Variants in C17orf113 observed in about 807,000 individuals in gnomAD.
The protein encoded by C17orf113 is chromosome 17 open reading frame 113, also known as uncharacterized protein C17orf113.
In C17orf113, 5 loss-of-function variants were observed where a neutral mutation model predicts 11.6. The ratio of observed to expected loss-of-function variants is 0.43; its 90% CI spans 0.23 to 0.91. C17orf113 has a LOEUF of 0.91. Ranked by LOEUF, C17orf113 falls within the 40% of genes least tolerant of loss-of-function variation. C17orf113 has a pLI of 0.26. For synonymous variants in C17orf113, 327 were observed against 390.6 expected (o/e 0.84, Z 1.92); for missense variants, 714 against 841.3 (o/e 0.85, Z 1.87).
chr17:42,047,593 C>T (rs543654790), intron 1 of C17orf113, among the ~76,000 whole-genome samples: 2 of 151,864 alleles, frequency 1.3e-5, no homozygotes, highest in East Asian at 1.9e-4. Flanking sequence ...GTTCCAGGGC[C>T]GGCTGGTTTG....
chr17:42,040,537 G>T lies in C17orf113; in HGVS notation c.1196C>A (p.Ala399Asp). The T allele has an allele frequency of 8.1e-7, 1 of 1,232,990 alleles. No individual in the cohort carries two copies. The highest frequency in any genetic ancestry group is 1.0e-6 in the Non-Finnish European group (1 of 988,646). 76.4% of individuals were successfully genotyped at this position (1,232,990 alleles called of 1,614,324 possible). ...ALALRQFTFVAFTHLLLDALP... is the reference protein window; with the variant it reads ...ALALRQFTFVDFTHLLLDALP... ...GGCATCCAGCAGCAGGTGGGTGAAG[G>T]CCACGAAGGTGAACTGGCGCAGGGC... Residue 399 changes from alanine (A) to aspartate (D), a missense_variant, in exon 3 of 3, where the codon GCC (alanine) becomes GAC (aspartate). Physicochemically the swap from Ala to Asp is moderately radical, Grantham distance 126. Around this residue, in one of 3 missense-constraint regions of C17orf113, gnomAD observed 516 missense variants for 626.6 expected, o/e 0.82. Transcript: ENST00000587304.
intron 1 of C17orf113, among the ~76,000 whole-genome samples, chr17:42,046,863 CTT>C (rs782334593): frequency 2.6e-4 from 37 of 140,526 alleles, no homozygotes; most frequent in Admixed American, 2.9e-4. Flanking sequence ...ATTTTTTTTC[CTT>C]TTTTTTTTTT....
chr17:42,048,488 A>G (rs2143734705), intron 1 of C17orf113, among the ~76,000 whole-genome samples: 1 of 152,220 alleles, frequency 6.6e-6, no homozygotes, highest in South Asian at 2.1e-4. Flanking sequence ...GACTGCAGTG[A>G]ACTGTGATCA....
rs539997288 is a variant in C17orf113, at chr17:42,042,677, C to T, written c.543+157G>A. On this transcript the variant is annotated intron_variant, in intron 2 of 2. Transcript: ENST00000587304. ...TTGTATCCCTGCAGCTGGCCCAGGA[C>T]CAGGGACATAGGCTCTCAGGGAAGG... Among the ~76,000 whole-genome samples the T allele has an allele frequency of 7.2e-5, 11 of 152,276 alleles. No homozygotes were observed. In the East Asian group the frequency reaches 2.1e-3, roughly 29 times the overall value.
In C17orf113 at chr17:42,043,149, C is replaced by T. The variant is rs1276396305; in HGVS notation, c.228G>A (p.Leu76=). The part of the protein sequence containing the change: ...VGTDNFQRHA[L]LRHVTSGAHR... ...GGGCTCCTGAGGTCACGTGGCGCAG[C>T]AGGGCGTGGCGCTGGAAGTTGTCTG... The change falls in exon 2 of 3, where the codon CTG becomes CTA. Residue 76 remains leucine (L), a synonymous_variant. Coordinates refer to ENST00000587304, the MANE Select transcript of C17orf113 (RefSeq NM_001358661.2). 9 of 1,232,180 alleles carry T rather than the reference C, an allele frequency of 7.3e-6. No homozygotes were observed. The highest frequency in any genetic ancestry group is 9.1e-6 in the Non-Finnish European group (9 of 987,996). 76.3% of individuals were successfully genotyped at this position (1,232,180 alleles called of 1,614,324 possible).
In C17orf113 at chr17:42,040,129, G is replaced by A. The variant is rs2052978233; in HGVS notation, c.1604C>T (p.Thr535Met). Residue 535 changes from threonine to methionine, a missense_variant, in exon 3 of 3, where the codon ACG (threonine) becomes ATG (methionine). Thr to Met is a moderately conservative substitution (Grantham distance 81). Transcript: ENST00000587304. ...CACCCGCAGCGCCCCCTCGCCATGC[G>A]TGCCCAGCTCCTCCGGCGCCTGCGG... ...RYPQAPEELG[T>M]HGEGALRVLL... The A allele has an allele frequency of 1.9e-5, 24 of 1,231,426 alleles. No homozygotes were observed. The highest frequency in any genetic ancestry group is 2.3e-5 in the Non-Finnish European group (23 of 987,722). The allele number at this position is 1,231,426 out of a possible 1,614,324, so 76.3% of individuals were successfully genotyped here.
rs1555656021 is a variant in C17orf113 at position 42,040,548 on chromosome 17, G to C, written c.1185C>G (p.Phe395Leu). ...GCAGGTGGGTGAAGGCCACGAAGGT[G>C]AACTGGCGCAGGGCCAGGGCCAGTG... Reference protein sequence around the residue: ...AGSLALALRQFTFVAFTHLLL... With the variant: ...AGSLALALRQLTFVAFTHLLL... Residue 395 changes from phenylalanine (F) to leucine (L), a missense_variant, in exon 3 of 3, where the codon TTC (phenylalanine) becomes TTG (leucine). Coordinates refer to ENST00000587304, the MANE Select transcript of C17orf113 (RefSeq NM_001358661.2). 1 of 1,232,984 alleles carries C rather than the reference G, an allele frequency of 8.1e-7. No homozygotes were observed. The highest frequency in any genetic ancestry group is 4.2e-5 in the Admixed American group (1 of 23,724). 76.4% of individuals were successfully genotyped at this position (1,232,984 alleles called of 1,614,324 possible).
chr17:42,039,924 CAAGGCGGCTAGGGCGGCG>C lies in C17orf113; in HGVS notation c.1791_1808del (p.Phe597_Ala602del). ...CAGCGCCCGCGGGCAGCGCCAAAGCCAAGGCGGCTAGGGCGGCGAAGTCGGGGAAGAGCTCGTGCAGCT... is the reference window on the plus strand; with the variant it reads ...CAGCGCCCGCGGGCAGCGCCAAAGCCAAGTCGGGGAAGAGCTCGTGCAGCT... On this transcript the variant is annotated inframe_deletion, in exon 3 of 3. Transcript: ENST00000587304. 2 of 1,231,286 alleles carry C rather than the reference CAAGGCGGCTAGGGCGGCG, an allele frequency of 1.6e-6. No homozygotes were observed. The highest frequency in any genetic ancestry group is 8.2e-5 in the South Asian group (2 of 24,318). 76.3% of individuals were successfully genotyped at this position (1,231,286 alleles called of 1,614,324 possible).
intron 2 of C17orf113, among the ~76,000 whole-genome samples, chr17:42,042,450 A>G (rs1555656222): frequency 6.6e-6 from 1 of 152,100 alleles, no homozygotes; most frequent in Non-Finnish European, 1.5e-5. Flanking sequence ...TGAGCCAGGA[A>G]GGCAGAGGTT....
Position 42,039,457 on chromosome 17 carries a change from G to A in C17orf113, c.*248C>T, listed in dbSNP as rs897298032. 2.6e-5 allele frequency: 10 copies of A among 378,838 alleles called. No individual in the cohort carries two copies. The highest frequency in any genetic ancestry group is 4.2e-5 in the Non-Finnish European group (9 of 214,346). 23.5% of individuals were successfully genotyped at this position (378,838 alleles called of 1,614,324 possible). ...ATCTAACTGTGTAAAGGCCAGGAAT[G>A]ATTTAGGGTACCCCAGATCCTAGCA... On this transcript the variant is annotated 3_prime_UTR_variant, in exon 3 of 3. Transcript: ENST00000587304.
chr17:42,049,110 G>A (rs1455680026), intron 1 of C17orf113, among the ~76,000 whole-genome samples: 1 of 152,022 alleles, frequency 6.6e-6, no homozygotes, highest in African/African-American at 2.4e-5. Flanking sequence ...TTCTCTCTGG[G>A]TTCCTCCAGA....
rs2052985650 is a variant in C17orf113 at position 42,040,313 on chromosome 17, C to T, written c.1420G>A (p.Val474Met). 3 of 1,231,658 alleles carry T rather than the reference C, an allele frequency of 2.4e-6. No homozygotes were observed. The highest frequency in any genetic ancestry group is 8.2e-5 in the South Asian group (2 of 24,324). 76.3% of individuals were successfully genotyped at this position (1,231,658 alleles called of 1,614,324 possible). A position where few individuals can be genotyped will look rare whatever the true frequency, so the allele number is the denominator to read the frequency against. ...ASSGRCTYRG[V>M]ELLGYSEAAV... ...GCCTCGGAGTAACCGAGCAGCTCCA[C>T]GCCGCGGTAGGTGCAGCGTCCGCTG... is the stretch of plus-strand genomic sequence containing the variant. The change falls in exon 3 of 3, where the codon GTG becomes ATG. Residue 474 changes from valine to methionine, a missense_variant. Transcript: ENST00000587304.
At position 42,043,196 on chromosome 17, in the gene C17orf113, C is replaced by T. The variant is rs2053067963; in HGVS notation, c.181G>A (p.Glu61Lys). ...ALVRNKHGKA[E>K]NAFTVGTDNF... Reference sequence around the variant, plus strand: ...TCTGTGCCCACAGTGAAGGCGTTTTCGGCTTTGCCATGCTTGTTCCGTACC... The same window carrying T: ...TCTGTGCCCACAGTGAAGGCGTTTTTGGCTTTGCCATGCTTGTTCCGTACC... Residue 61 changes from glutamate (E) to lysine (K), a missense_variant, in exon 2 of 3, where the codon GAA becomes AAA. Around this residue, in one of 3 missense-constraint regions of C17orf113, gnomAD observed 516 missense variants for 626.6 expected, o/e 0.82. Coordinates refer to ENST00000587304, the MANE Select transcript of C17orf113 (RefSeq NM_001358661.2). 3 of 1,232,228 alleles carry T rather than the reference C, an allele frequency of 2.4e-6. No individual in the cohort carries two copies. Among genetic ancestry groups the T allele is most frequent in the South Asian group, 4.1e-5 (1 of 24,318 alleles). The allele number at this position is 1,232,228 out of a possible 1,614,324, so 76.3% of individuals were successfully genotyped here. A position where few individuals can be genotyped will look rare whatever the true frequency, so the allele number is the denominator to read the frequency against.
chr17:42,039,553 G>T lies in C17orf113; in HGVS notation c.*152C>A. On this transcript the variant is annotated 3_prime_UTR_variant, in exon 3 of 3. Coordinates refer to ENST00000587304, the MANE Select transcript of C17orf113 (RefSeq NM_001358661.2). ...CACAGCCCACAGGGTGGGGGGGGTTGGTGGGAAGCTCCAGAAGGGCGGGTG... is the reference window on the plus strand; with the variant it reads ...CACAGCCCACAGGGTGGGGGGGGTTTGTGGGAAGCTCCAGAAGGGCGGGTG... 1.4e-5 allele frequency: 9 copies of T among 635,832 alleles called. No individual in the cohort carries two copies. Among genetic ancestry groups the T allele is most frequent in the Non-Finnish European group, 1.8e-5 (8 of 445,362 alleles). 39.4% of individuals were successfully genotyped at this position (635,832 alleles called of 1,614,324 possible).
At position 42,039,313 on chromosome 17, in the gene C17orf113, G is replaced by A. The variant is rs1412249963; in HGVS notation, c.*392C>T. ...AGCCAAGGACCAAGGACCAGTGTCC[G>A]TTCCCTCAGCCACTCAATTTCCAAG... On this transcript the variant is annotated 3_prime_UTR_variant, in exon 3 of 3. Transcript: ENST00000587304. 2.1e-5 allele frequency: 4 copies of A among 193,076 alleles called. No homozygotes were observed. Among genetic ancestry groups the A allele is most frequent in the African/African-American group, 9.3e-5 (4 of 43,186 alleles). The allele number at this position is 193,076 out of a possible 1,614,324, so 12.0% of individuals were successfully genotyped here. A position where few individuals can be genotyped will look rare whatever the true frequency, so the allele number is the denominator to read the frequency against.
chr17:42,041,303 T>C (rs1046897108), intron 2 of C17orf113, 114 bp from the exon 3 acceptor site: 8 of 923,368 alleles, frequency 8.7e-6, no homozygotes, highest in African/African-American at 1.7e-5. Context: ...TTAGACAGAC[T>C]TAGGGACTAA....
chr17:42,040,147 G>A lies in C17orf113; in HGVS notation c.1586C>T (p.Ala529Val). Residue 529 changes from alanine (A) to valine (V), a missense_variant, in exon 3 of 3, where the codon GCG becomes GTG. This residue lies in a region of C17orf113 where 194 missense variants were observed against 197.2 expected (regional missense o/e 0.98). Coordinates refer to ENST00000587304, the MANE Select transcript of C17orf113 (RefSeq NM_001358661.2). ...GCCATGCGTGCCCAGCTCCTCCGGCGCCTGCGGGTAGCGTCGGGGGTCGAA... is the reference window on the plus strand; with the variant it reads ...GCCATGCGTGCCCAGCTCCTCCGGCACCTGCGGGTAGCGTCGGGGGTCGAA... ...AIFDPRRYPQ[A>V]PEELGTHGEG... 2.4e-6 allele frequency: 3 copies of A among 1,231,494 alleles called. No homozygotes were observed. The highest frequency in any genetic ancestry group is 1.0e-6 in the Non-Finnish European group (1 of 987,780). The allele number at this position is 1,231,494 out of a possible 1,614,324, so 76.3% of individuals were successfully genotyped here.
In C17orf113 at chr17:42,039,721, C is replaced by T; in HGVS notation, c.2012G>A (p.Gly671Glu). The change falls in exon 3 of 3, where the codon GGG (glycine) becomes GAG (glutamate). Residue 671 changes from glycine to glutamate, a missense_variant. Gly to Glu is a moderately conservative substitution (Grantham distance 98, BLOSUM62 -2). Transcript: ENST00000587304. ...LESGWGEGFL[G>E]SQLT is the part of the protein sequence containing the mutation. ...AGGCCACCCTCAGGTGAGCTGCGAC[C>T]CCAGGAAGCCCTCTCCCCACCCACT... 74 of 1,232,522 alleles carry T rather than the reference C, an allele frequency of 6.0e-5. No homozygotes were observed. The highest frequency in any genetic ancestry group is 7.4e-5 in the Non-Finnish European group (73 of 988,240). The allele number at this position is 1,232,522 out of a possible 1,614,324, so 76.3% of individuals were successfully genotyped here. A position where few individuals can be genotyped will look rare whatever the true frequency, so the allele number is the denominator to read the frequency against.
chr17:42,043,366 G>A lies in C17orf113; in HGVS notation c.11C>T (p.Pro4Leu). 1 of 1,232,254 alleles carries A rather than the reference G, an allele frequency of 8.1e-7. No homozygotes were observed. The highest frequency in any genetic ancestry group is 1.0e-6 in the Non-Finnish European group (1 of 988,048). 76.3% of individuals were successfully genotyped at this position (1,232,254 alleles called of 1,614,324 possible). Residue 4 changes from proline (P) to leucine (L), a missense_variant, in exon 2 of 3, where the codon CCA becomes CTA. Pro to Leu is a moderately conservative substitution (Grantham distance 98). Transcript: ENST00000587304. Reference protein sequence around the residue: MVPPGKKPAGEASN... With the variant: MVPLGKKPAGEASN... ...GGCCTCTCCCGCTGGTTTCTTCCCT[G>A]GGGGCACCATTCTTGCTCTCTCAGC...
Sources: gnomAD v4.1 joint callset for allele counts (sites outside exome capture counted in the v4.1 genomes callset) on GRCh38, gnomAD v4.1.1 for gene constraint, gnomAD v4.1.1 regional missense constraint, MANE v1.5 for transcripts, NCBI Gene and HGNC (gene_info 2026-07-23, HGNC 2026-07-21) for gene names.